Variants in ITGAL observed in about 807,000 individuals in gnomAD.
The protein encoded by ITGAL is integrin subunit alpha L.
ITGAL carries 68 observed loss-of-function variants against 138.4 expected under a neutral mutation model. That is an observed-to-expected ratio of 0.49 (90% CI 0.40 to 0.60). ITGAL has a LOEUF of 0.60. Ranked by LOEUF, ITGAL falls within the 20% of genes least tolerant of loss-of-function variation. The pLI is 0.00. For synonymous variants in ITGAL, 561 were observed against 584.3 expected (o/e 0.96, Z 0.57); for missense variants, 1,256 against 1,478.6 (o/e 0.85, Z 2.47).
At chr16:30,517,768 C>T (rs2151207735) in intron 27 of ITGAL, 29 bp from the exon 28 acceptor site, 1 of 1,613,166 alleles carries the variant, frequency 6.2e-7, no homozygotes, top group East Asian at 2.2e-5. Flanking sequence ...ATGAAGCCGC[C>T]CTGACCCCGC....
Position 30,484,134 on chromosome 16 carries a change from A to C in ITGAL, c.877A>C (p.Lys293Gln). The C allele has an allele frequency of 6.2e-7, 1 of 1,614,070 alleles. No homozygotes were observed. Among genetic ancestry groups the C allele is most frequent in the Non-Finnish European group, 8.5e-7 (1 of 1,179,992 alleles). The change falls in exon 9 of 31, where the codon AAG becomes CAG. Residue 293 changes from lysine to glutamine, a missense_variant. Lys to Gln is a moderately conservative substitution (Grantham distance 53, BLOSUM62 1). Coordinates refer to ENST00000356798, the MANE Select transcript of ITGAL (RefSeq NM_002209.3). ...IIGIGKHFQTKESQETLHKFA... is the reference protein window; with the variant it reads ...IIGIGKHFQTQESQETLHKFA... ...ACAGATTGGAAAGCATTTTCAGACC[A>C]AGGAGAGTCAGGAGACCCTCCACAA...
intron 7 of ITGAL, among the ~76,000 whole-genome samples, chr16:30,482,843 T>C (rs2050579904): frequency 1.3e-5 from 2 of 152,082 alleles, no homozygotes; most frequent in African/African-American, 4.8e-5. Context: ...CTTTTTTTTT[T>C]AGAGTCAAGG....
chr16:30,475,171 C>A, intron 2 of ITGAL, 135 bp from the exon 3 acceptor site: 1 of 693,644 alleles, frequency 1.4e-6, no homozygotes, highest in Non-Finnish European at 2.5e-6. Flanking sequence ...CCCACCTGGC[C>A]AGAGGCACCT....
At chr16:30,518,512 AC>A in intron 28 of ITGAL, 111 bp from the exon 29 acceptor site, 3 of 714,672 alleles carry the variant, frequency 4.2e-6, no homozygotes, top group Non-Finnish European at 5.1e-6. Flanking sequence ...AGATGGGTGC[AC>A]CCCCCTGGAA....
At chr16:30,480,000 G>A (rs922333748) in intron 6 of ITGAL, among the ~76,000 whole-genome samples, 2 of 151,502 alleles carry the variant, frequency 1.3e-5, no homozygotes, top group African/African-American at 4.9e-5. Flanking sequence ...CTGGAATCAT[G>A]GTGGCACGAT....
chr16:30,481,143 AACACACACAC>A (rs60456127), intron 6 of ITGAL: 3,833 of 215,536 alleles, frequency 0.018, 70 homozygotes, highest in African/African-American at 0.057. Flanking sequence ...CTCTACTAAA[AACACACACAC>A]ACACACACAC....
chr16:30,484,411 C>G (rs947946146), intron 9 of ITGAL, 148 bp downstream of exon 9: 5 of 694,920 alleles, frequency 7.2e-6, no homozygotes, highest in Non-Finnish European at 1.2e-5. Flanking sequence ...GAGTTTGAGA[C>G]CAGCCTGGGC....
Position 30,481,503 on chromosome 16 carries a change from G to A in ITGAL, c.641G>A (p.Arg214Gln), listed in dbSNP as rs763305047. The change falls in exon 7 of 31, where the codon CGG (arginine) becomes CAG (glutamine). Residue 214 changes from arginine (R) to glutamine (Q), a missense_variant. Around this residue, in one of 3 missense-constraint regions of ITGAL, gnomAD observed 177 missense variants for 288.8 expected, o/e 0.61. Coordinates refer to ENST00000356798, the MANE Select transcript of ITGAL (RefSeq NM_002209.3). ...TEFDFSDYVK[R>Q]KDPDALLKHV... ...TTTGATTTCTCAGATTATGTTAAACGGAAGGACCCTGATGCTCTGCTGAAG... is the reference window on the plus strand; with the variant it reads ...TTTGATTTCTCAGATTATGTTAAACAGAAGGACCCTGATGCTCTGCTGAAG... 2.7e-5 allele frequency: 43 copies of A among 1,612,962 alleles called. No individual in the cohort carries two copies. Among genetic ancestry groups the A allele is most frequent in the East Asian group, 1.1e-4 (5 of 44,892 alleles).
chr16:30,518,783 A>C (rs1245186061), intron 29 of ITGAL, 64 bp downstream of exon 29: 14 of 1,225,418 alleles, frequency 1.1e-5, no homozygotes, highest in Admixed American at 5.1e-5. Context: ...GCCCCAGGGC[A>C]GACCTAGATG....
chr16:30,493,339 G>A (rs116154370), intron 11 of ITGAL, among the ~76,000 whole-genome samples: 1,553 of 151,270 alleles, frequency 0.01, 28 homozygotes, highest in African/African-American at 0.035. Flanking sequence ...GAGTGTAGTA[G>A]CGAAATCTCA....
intron 29 of ITGAL, 35 bp from the exon 30 acceptor site, chr16:30,519,821 AG>A: frequency 7.1e-7 from 1 of 1,404,518 alleles, no homozygotes; most frequent in Non-Finnish European, 1.0e-6. Flanking sequence ...GGGGTGGAAA[AG>A]GCATTTTCCG....
At chr16:30,513,557 G>T (rs1217318269) in intron 24 of ITGAL, among the ~76,000 whole-genome samples, 1 of 152,286 alleles carries the variant, frequency 6.6e-6, no homozygotes, top group Admixed American at 6.5e-5. Context: ...CACTTCCCTG[G>T]GCTCCAGTCC....
At chr16:30,505,613 C>T in intron 20 of ITGAL, 151 bp downstream of exon 20, 1 of 654,464 alleles carries the variant, frequency 1.5e-6, no homozygotes, top group Admixed American at 2.7e-5. Context: ...CTCAGGGGCT[C>T]ATGCCTATAA....
intron 24 of ITGAL, among the ~76,000 whole-genome samples, chr16:30,512,276 G>A (rs1286800554): frequency 6.6e-6 from 1 of 152,066 alleles, no homozygotes; most frequent in Non-Finnish European, 1.5e-5. Context: ...ACCTGTTACA[G>A]GTCTTCTCGC....
At chr16:30,490,188 A>C (rs1405116358) in intron 11 of ITGAL, among the ~76,000 whole-genome samples, 3 of 140,730 alleles carry the variant, frequency 2.1e-5, no homozygotes, top group African/African-American at 8.0e-5. Context: ...GGATCATGCC[A>C]CTGCACTCCA....
chr16:30,503,915 A>T (rs1016745374), intron 17 of ITGAL: 1 of 320,264 alleles, frequency 3.1e-6, no homozygotes, highest in Non-Finnish European at 5.8e-6. Context: ...CAGTTAGGAC[A>T]CAGTGGGGGA....
At chr16:30,507,616 C>A (rs137929635) in intron 21 of ITGAL, among the ~76,000 whole-genome samples, 223 of 151,712 alleles carry the variant, frequency 1.5e-3, no homozygotes, top group African/African-American at 4.9e-3. Flanking sequence ...TGCCACTGCA[C>A]TCCAGCCTGG....
chr16:30,489,434 A>T (rs765161900), intron 11 of ITGAL, 48 bp downstream of exon 11: 2 of 1,597,598 alleles, frequency 1.3e-6, no homozygotes, highest in Non-Finnish European at 1.7e-6. Flanking sequence ...TTGAGGTCAG[A>T]TGGTCGCTCA....
chr16:30,518,784 G>C, intron 29 of ITGAL, 65 bp downstream of exon 29: 1 of 1,210,868 alleles, frequency 8.3e-7, no homozygotes, highest in South Asian at 1.2e-5. Flanking sequence ...CCCCAGGGCA[G>C]ACCTAGATGT....
Sources: gnomAD v4.1 joint callset for allele counts (sites outside exome capture counted in the v4.1 genomes callset) on GRCh38, gnomAD v4.1.1 for gene constraint, gnomAD v4.1.1 regional missense constraint, MANE v1.5 for transcripts, NCBI Gene and HGNC (gene_info 2026-07-23, HGNC 2026-07-21) for gene names.